DTNB: variants seen among roughly 807,000 people sequenced by gnomAD.
The protein encoded by DTNB is DTN-B.
DTNB carries 63 observed loss-of-function variants against 90.7 expected under a neutral mutation model. That is an observed-to-expected ratio of 0.69 (90% CI 0.57 to 0.86). DTNB has a LOEUF of 0.86. Among genes scored for constraint, DTNB ranks in the 40% least tolerant of loss-of-function variants. DTNB has a pLI of 0.00. For missense variants in DTNB, 744 were observed against 807.1 expected, an observed-to-expected ratio of 0.92 and a Z score of 0.95; for synonymous variants, 277 against 286.7, an observed-to-expected ratio of 0.97 and a Z score of 0.34.
intron 16 of DTNB, among the ~76,000 whole-genome samples, chr2:25,392,288 T>C (rs1203982513): frequency 6.6e-6 from 1 of 151,970 alleles, no homozygotes; most frequent in African/African-American, 2.4e-5. Flanking sequence ...CACGCACCTG[T>C]AATCCCAGCT....
chr2:25,647,147 A>T (rs2079657462), intron 2 of DTNB, among the ~76,000 whole-genome samples: 1 of 152,218 alleles, frequency 6.6e-6, no homozygotes. Flanking sequence ...TATGCTACAA[A>T]ATAGACTTCA....
chr2:25,661,257 G>C (rs1352300627), intron 1 of DTNB, among the ~76,000 whole-genome samples: 1 of 152,170 alleles, frequency 6.6e-6, no homozygotes, highest in Non-Finnish European at 1.5e-5. Context: ...AAGATGAAAA[G>C]ACAAGTCACT....
At chr2:25,495,727 TAAAC>T (rs1421570752) in intron 9 of DTNB, among the ~76,000 whole-genome samples, 1 of 152,160 alleles carries the variant, frequency 6.6e-6, no homozygotes, top group African/African-American at 2.4e-5. Context: ...GCAAGGAAGT[TAAAC>T]AAACAAGCAA....
chr2:25,630,773 G>A (rs1346738008), intron 3 of DTNB, among the ~76,000 whole-genome samples: 1 of 149,904 alleles, frequency 6.7e-6, no homozygotes. Context: ...AAACCTGGGA[G>A]GCGGAGCTTG....
chr2:25,419,380 G>T, intron 16 of DTNB, 135 bp downstream of exon 16: 1 of 1,365,660 alleles, frequency 7.3e-7, no homozygotes, highest in Non-Finnish European at 1.0e-6. Flanking sequence ...ACCATGGGGA[G>T]AACCGCTGGG....
chr2:25,633,723 G>C (rs1411161655), intron 3 of DTNB, among the ~76,000 whole-genome samples: 1 of 150,920 alleles, frequency 6.6e-6, no homozygotes, highest in Non-Finnish European at 1.5e-5. Context: ...AGTGAGGAGC[G>C]CCTCTTCCCG....
rs770019054 is a variant in DTNB at position 25,419,439 on chromosome 2, G to A, written c.1575+76C>T. ...CAGAGATGATGTGCGGGGAGAAGAGGAGAAACATTTATATGAGGAAAGGAA... is the reference window on the plus strand; with the variant it reads ...CAGAGATGATGTGCGGGGAGAAGAGAAGAAACATTTATATGAGGAAAGGAA... On this transcript the variant is annotated intron_variant, in intron 16 of 20. Transcript: ENST00000406818. 5.0e-5 allele frequency: 78 copies of A among 1,548,096 alleles called. 1 individual carries two copies. The African/African-American group carries it at 6.2e-4, about 12-fold the overall frequency.
chr2:25,509,413 TCTC>T (rs1317064564), intron 9 of DTNB, among the ~76,000 whole-genome samples: 2 of 152,220 alleles, frequency 1.3e-5, no homozygotes, highest in African/African-American at 4.8e-5. Flanking sequence ...TCATTTTCCT[TCTC>T]CTCGAAACAT....
intron 8 of DTNB, among the ~76,000 whole-genome samples, chr2:25,573,988 C>T (rs2060278097): frequency 6.6e-6 from 1 of 152,120 alleles, no homozygotes; most frequent in African/African-American, 2.4e-5. Flanking sequence ...ACGTTCTTTC[C>T]ACCAAGATAG....
intron 16 of DTNB, among the ~76,000 whole-genome samples, chr2:25,411,288 T>C (rs2046538285): frequency 6.6e-6 from 1 of 151,040 alleles, no homozygotes; most frequent in South Asian, 2.1e-4. Context: ...GAACCCGGGA[T>C]GCAGAGGTTG....
chr2:25,634,904 G>A (rs984293746), intron 3 of DTNB, among the ~76,000 whole-genome samples: 3 of 114,654 alleles, frequency 2.6e-5, no homozygotes, highest in Middle Eastern at 8.1e-3. Context: ...CAAGTACCCC[G>A]GGACACAAAC....
intron 8 of DTNB, among the ~76,000 whole-genome samples, chr2:25,570,475 TA>T (rs2151285616): frequency 6.6e-6 from 1 of 151,884 alleles, no homozygotes; most frequent in Non-Finnish European, 1.5e-5. Context: ...ATTTATTCAT[TA>T]GGAGACTTAG....
intron 3 of DTNB, among the ~76,000 whole-genome samples, chr2:25,636,880 T>C (rs2077229055): frequency 6.6e-6 from 1 of 151,796 alleles, no homozygotes; most frequent in Non-Finnish European, 1.5e-5. Flanking sequence ...GAAAGAAACA[T>C]CACTTCGATC....
intron 9 of DTNB, among the ~76,000 whole-genome samples, chr2:25,489,990 T>A (rs1347370991): frequency 1.3e-5 from 2 of 152,168 alleles, no homozygotes; most frequent in Non-Finnish European, 2.9e-5. Context: ...AATTAAAAAT[T>A]ACAGGCTGTG....
intron 10 of DTNB, among the ~76,000 whole-genome samples, chr2:25,478,923 G>A (rs939781636): frequency 2.0e-5 from 3 of 152,208 alleles, no homozygotes; most frequent in South Asian, 2.1e-4. Flanking sequence ...GGCGGGGAGC[G>A]AAGATGGCAC....
chr2:25,630,861 A>G lies in DTNB; in HGVS notation c.149-2477T>C, dbSNP rs914567952. 7.9e-3 allele frequency among the ~76,000 whole-genome samples: 1,194 copies of G among 151,030 alleles called. 4 individuals are homozygous for G. Among genetic ancestry groups the G allele is most frequent in the Non-Finnish European group, 0.012 (833 of 67,690 alleles). ...CTCCGTCCCAAAAAAAAAAAAAAAA[A>G]AAAAAAGGGGATGAAGTGCTGATGC... On this transcript the variant is annotated intron_variant, in intron 3 of 20. Coordinates refer to ENST00000406818, the MANE Select transcript of DTNB (RefSeq NM_021907.5).
At chr2:25,532,818 C>T (rs991582049) in intron 8 of DTNB, among the ~76,000 whole-genome samples, 1 of 152,196 alleles carries the variant, frequency 6.6e-6, no homozygotes, top group Non-Finnish European at 1.5e-5. Flanking sequence ...ATGGCTGCAG[C>T]TGTCTGCCTC....
At chr2:25,561,966 T>C (rs1559036901) in intron 8 of DTNB, among the ~76,000 whole-genome samples, 2 of 152,196 alleles carry the variant, frequency 1.3e-5, no homozygotes, top group Non-Finnish European at 2.9e-5. Context: ...GTTTTTAATA[T>C]ATTCAAAGAG....
chr2:25,626,636 G>A (rs535149545), intron 4 of DTNB, among the ~76,000 whole-genome samples: 1 of 152,208 alleles, frequency 6.6e-6, no homozygotes, highest in Middle Eastern at 3.4e-3. Context: ...TCTATTAAAC[G>A]GATACAATGT....
Sources: gnomAD v4.1 joint callset for allele counts (sites outside exome capture counted in the v4.1 genomes callset) on GRCh38, gnomAD v4.1.1 for gene constraint, MANE v1.5 for transcripts, NCBI Gene and HGNC (gene_info 2026-07-23, HGNC 2026-07-21) for gene names.